The following DYNC2LI1 variants were observed in gnomAD, a reference collection of about 807,000 sequenced individuals.
DYNC2LI1 encodes cytoplasmic dynein 2 light intermediate chain 1.
A neutral mutation model predicts 51.9 loss-of-function variants in DYNC2LI1; 45 were observed. That is an observed-to-expected ratio of 0.87 (90% CI 0.68 to 1.11). The LOEUF (loss-of-function observed/expected upper bound fraction) is 1.11. Ranked by LOEUF, DYNC2LI1 falls within the 50% of genes most tolerant of loss-of-function variation. DYNC2LI1 has a pLI of 0.00. For missense variants in DYNC2LI1, 490 were observed against 417.4 expected, an observed-to-expected ratio of 1.17 and a Z score of -1.51; for synonymous variants, 130 against 137.8, an observed-to-expected ratio of 0.94 and a Z score of 0.40.
chr2:43,812,849 A>C, downstream of DYNC2LI1: 3 of 469,296 alleles, frequency 6.4e-6, no homozygotes, highest in South Asian at 7.1e-5. Flanking sequence ...CCATAGGTTT[A>C]TGAATATTAT....
intron 1 of DYNC2LI1, among the ~76,000 whole-genome samples, chr2:43,776,158 T>C (rs1673009502): frequency 6.6e-6 from 1 of 152,122 alleles, no homozygotes; most frequent in African/African-American, 2.4e-5. Flanking sequence ...TTACATTAGG[T>C]ATTTCTCCTA....
At chr2:43,779,204 C>T (rs1308898927) in intron 2 of DYNC2LI1, among the ~76,000 whole-genome samples, 4 of 152,194 alleles carry the variant, frequency 2.6e-5, no homozygotes, top group East Asian at 1.9e-4. Flanking sequence ...TTAAGGCTGC[C>T]GTGAGCCATC....
At chr2:43,806,076 G>A (rs1160718418) in intron 12 of DYNC2LI1, among the ~76,000 whole-genome samples, 7 of 151,876 alleles carry the variant, frequency 4.6e-5, no homozygotes. Flanking sequence ...TAGAAACGGG[G>A]TTTCACCATC....
At chr2:43,787,154 A>T (rs1389234426) in intron 3 of DYNC2LI1, 27 bp from the exon 4 acceptor site, 1 of 1,578,576 alleles carries the variant, frequency 6.3e-7, no homozygotes, top group Non-Finnish European at 8.7e-7. Context: ...ACCTACAATG[A>T]TAATACTATC....
At chr2:43,785,538 A>T (rs950898181) in intron 3 of DYNC2LI1, among the ~76,000 whole-genome samples, 3 of 151,902 alleles carry the variant, frequency 2.0e-5, no homozygotes, top group Non-Finnish European at 4.4e-5. Flanking sequence ...GTTCGAGATC[A>T]GCCTGGCCAA....
chr2:43,805,094 A>G, intron 11 of DYNC2LI1, 60 bp from the exon 12 acceptor site: 1 of 1,072,578 alleles, frequency 9.3e-7, no homozygotes, highest in African/African-American at 1.6e-5. Flanking sequence ...TATTAGGCAG[A>G]TGGTAGCCAT....
intron 1 of DYNC2LI1, chr2:43,775,788 G>C (rs1672987958): frequency 3.0e-6 from 1 of 328,772 alleles, no homozygotes; most frequent in African/African-American, 2.4e-5. Context: ...CCTGAGTTCA[G>C]GTGATTCTCA....
intron 4 of DYNC2LI1, among the ~76,000 whole-genome samples, chr2:43,789,216 T>C (rs1673664841): frequency 6.6e-6 from 1 of 152,234 alleles, no homozygotes; most frequent in Non-Finnish European, 1.5e-5. Flanking sequence ...AGCTTCTGTC[T>C]TCCTAAATAG....
At chr2:43,776,347 AAAG>A (rs1186445509) in intron 1 of DYNC2LI1, among the ~76,000 whole-genome samples, 1 of 152,202 alleles carries the variant, frequency 6.6e-6, no homozygotes, top group Non-Finnish European at 1.5e-5. Context: ...AAAACACAAA[AAAG>A]AAATGTTTCA....
Position 43,800,874 on chromosome 2 carries a change from A to T in DYNC2LI1, c.688A>T (p.Ile230Leu), listed in dbSNP as rs11556157. Residue 230 changes from isoleucine (I) to leucine (L), a missense_variant, in exon 9 of 13, where the codon ATA (isoleucine) becomes TTA (leucine). Coordinates refer to ENST00000260605, the MANE Select transcript of DYNC2LI1 (RefSeq NM_016008.4). Reference sequence around the variant, plus strand: ...TAAATCAGAAGCTCTATTACTAAAAATACGTGGAGTTATCAACCAGTTGGC... The same window carrying T: ...TAAATCAGAAGCTCTATTACTAAAATTACGTGGAGTTATCAACCAGTTGGC... The part of the protein sequence containing the change: ...TSKSEALLLK[I>L]RGVINQLAFG... 0.25 allele frequency: 392,310 copies of T among 1,597,466 alleles called. 51,169 individuals are homozygous for T. The highest frequency in any genetic ancestry group is 0.35 in the South Asian group (31,538 of 89,092).
chr2:43,780,221 T>C (rs1673212387), intron 2 of DYNC2LI1, among the ~76,000 whole-genome samples: 1 of 152,124 alleles, frequency 6.6e-6, no homozygotes, highest in Non-Finnish European at 1.5e-5. Flanking sequence ...GCAGTGCAGT[T>C]TCCAGTGAAA....
chr2:43,827,194 A>G, the DYNC2LI1 span, among the ~76,000 whole-genome samples: 2 of 152,022 alleles, frequency 1.3e-5, no homozygotes, highest in African/African-American at 4.8e-5. Context: ...GTGTGGTGGC[A>G]GGCGCCTGTA....
At position 43,795,935 on chromosome 2, in the gene DYNC2LI1, G is replaced by A; in HGVS notation, c.553G>A (p.Gly185Arg). The A allele has an allele frequency of 6.2e-7, 1 of 1,613,208 alleles. No individual in the cohort carries two copies. The highest frequency in any genetic ancestry group is 8.5e-7 in the Non-Finnish European group (1 of 1,179,294). ...DPFPVPLVII[G>R]SKYDVFQDFE... ...ATTTCCGGTACCTCTGGTCATAATTGGAAGTAAATATGATGTTTTTCAGGT... is the reference window on the plus strand; with the variant it reads ...ATTTCCGGTACCTCTGGTCATAATTAGAAGTAAATATGATGTTTTTCAGGT... Residue 185 changes from glycine to arginine, a missense_variant, in exon 7 of 13, where the codon GGA becomes AGA. Gly to Arg is a moderately radical substitution (Grantham distance 125, BLOSUM62 -2). Coordinates refer to ENST00000260605, the MANE Select transcript of DYNC2LI1 (RefSeq NM_016008.4).
chr2:43,802,022 T>G (rs1306032896), intron 10 of DYNC2LI1, among the ~76,000 whole-genome samples: 2 of 152,154 alleles, frequency 1.3e-5, no homozygotes, highest in East Asian at 3.8e-4. Flanking sequence ...CTCCTTGGCT[T>G]TAAAGAAGCT....
chr2:43,828,008 G>A, the DYNC2LI1 span: 30 of 1,613,970 alleles, frequency 1.9e-5, no homozygotes, highest in East Asian at 4.5e-5. Flanking sequence ...GCTGGGCTGC[G>A]ATGGAGACCC....
At chr2:43,783,453 C>T (rs1171005585) in intron 2 of DYNC2LI1, 67 bp from the exon 3 acceptor site, 16 of 1,214,918 alleles carry the variant, frequency 1.3e-5, no homozygotes, top group Admixed American at 5.1e-5. Flanking sequence ...GCCACAATTA[C>T]GAACAATAAT....
intron 1 of DYNC2LI1, among the ~76,000 whole-genome samples, chr2:43,774,388 A>G (rs926826425): frequency 3.9e-5 from 6 of 152,204 alleles, no homozygotes; most frequent in Non-Finnish European, 7.3e-5. Flanking sequence ...CACCCATTCA[A>G]TGATTGAATA....
chr2:43,808,429 G>A (rs3792010), intron 12 of DYNC2LI1, among the ~76,000 whole-genome samples: 40,930 of 152,112 alleles, frequency 0.27, 6,551 homozygotes, highest in African/African-American at 0.45. Context: ...GTGAACTTCA[G>A]TTATGTTAGC....
intron 10 of DYNC2LI1, among the ~76,000 whole-genome samples, chr2:43,802,953 T>A (rs925316674): frequency 2.0e-5 from 3 of 152,032 alleles, no homozygotes; most frequent in African/African-American, 7.2e-5. Flanking sequence ...AAATGCAAAT[T>A]GAAACCACAA....
Sources: gnomAD v4.1 joint callset for allele counts (sites outside exome capture counted in the v4.1 genomes callset) on GRCh38, gnomAD v4.1.1 for gene constraint, MANE v1.5 for transcripts, NCBI Gene and HGNC (gene_info 2026-07-23, HGNC 2026-07-21) for gene names.